EGF: variants seen among roughly 807,000 people sequenced by gnomAD.
EGF encodes epidermal growth factor.
In EGF, 95 loss-of-function variants were observed where a neutral mutation model predicts 143.8. That is an observed-to-expected ratio of 0.66 (90% CI 0.56 to 0.78). EGF has a LOEUF of 0.78. EGF is among the 30% of genes least tolerant of loss of function. EGF has a pLI of 0.00. For synonymous variants in EGF, 510 were observed against 510.5 expected, an observed-to-expected ratio of 1.00 and a Z score of 0.01; for missense variants, 1,320 against 1,470.9, an observed-to-expected ratio of 0.90 and a Z score of 1.68.
chr4:109,961,179 C>G (rs1745628447), intron 7 of EGF, among the ~76,000 whole-genome samples, 190 bp downstream of exon 7: 1 of 150,492 alleles, frequency 6.6e-6, no homozygotes, highest in East Asian at 1.9e-4. Flanking sequence ...GACCCTATCT[C>G]TACTAAAAAT....
chr4:109,948,435 G>C (rs1048510286), intron 5 of EGF, among the ~76,000 whole-genome samples: 1 of 152,126 alleles, frequency 6.6e-6, no homozygotes, highest in Non-Finnish European at 1.5e-5. Flanking sequence ...TCCACCTAGG[G>C]AGATGGTATA....
chr4:109,960,002 G>A (rs569061881), intron 6 of EGF, among the ~76,000 whole-genome samples: 1 of 152,284 alleles, frequency 6.6e-6, no homozygotes, highest in African/African-American at 2.4e-5. Flanking sequence ...TCCAATGGCT[G>A]CAGCACACAT....
chr4:109,966,518 C>CT, intron 10 of EGF, among the ~76,000 whole-genome samples: 1 of 152,112 alleles, frequency 6.6e-6, no homozygotes, highest in East Asian at 1.9e-4. Flanking sequence ...GTGCAGGTGT[C>CT]TTTTTGATAT....
In EGF at chr4:109,979,847, C is replaced by G. The variant is rs1749066486; in HGVS notation, c.2054-125C>G. 38 of 1,167,504 alleles carry G rather than the reference C, an allele frequency of 3.3e-5. 1 individual carries two copies. In the South Asian group the frequency reaches 5.2e-4, roughly 16 times the overall value. The allele number at this position is 1,167,504 out of a possible 1,614,324, so 72.3% of individuals were successfully genotyped here. Reference sequence around the variant, plus strand: ...GTGTGAGTCGGTGGCTCACTCATAACTTGCTGAGTAGCTAAAGAGCTGATT... The same window carrying G: ...GTGTGAGTCGGTGGCTCACTCATAAGTTGCTGAGTAGCTAAAGAGCTGATT... On this transcript the variant is annotated intron_variant, in intron 13 of 23. Transcript: ENST00000265171.
intron 1 of EGF, among the ~76,000 whole-genome samples, chr4:109,927,430 A>G (rs1199336454): frequency 6.6e-6 from 1 of 152,162 alleles, no homozygotes; most frequent in Non-Finnish European, 1.5e-5. Context: ...GATGTCCACC[A>G]AAGACATGTC....
At chr4:109,997,120 T>G (rs1283213234) in intron 20 of EGF, among the ~76,000 whole-genome samples, 10 of 151,612 alleles carry the variant, frequency 6.6e-5, no homozygotes, top group Non-Finnish European at 2.9e-5. Context: ...GAGCCAGGAG[T>G]GCTGATGGGT....
intron 1 of EGF, among the ~76,000 whole-genome samples, chr4:109,938,551 T>C (rs886302507): frequency 2.0e-5 from 3 of 152,222 alleles, no homozygotes; most frequent in Non-Finnish European, 4.4e-5. Flanking sequence ...CCAGTTTTGT[T>C]CCCTTGCTGG....
At chr4:109,981,804 A>G (rs1749408484) in intron 15 of EGF, among the ~76,000 whole-genome samples, 1 of 152,230 alleles carries the variant, frequency 6.6e-6, no homozygotes, top group South Asian at 2.1e-4. Context: ...TTTAGTATGC[A>G]CTGAAAGAAT....
At chr4:109,998,633 C>T (rs1752142801) in intron 20 of EGF, among the ~76,000 whole-genome samples, 1 of 152,222 alleles carries the variant, frequency 6.6e-6, no homozygotes, top group Non-Finnish European at 1.5e-5. Flanking sequence ...AGTGAGTTGC[C>T]CAGTCCCTCT....
chr4:110,001,974 A>G (rs1752628572), intron 21 of EGF: 11 of 985,442 alleles, frequency 1.1e-5, no homozygotes, highest in Admixed American at 6.1e-5. Context: ...CGTTTGCACT[A>G]TAGATCAATT....
At chr4:109,933,003 A>G (rs1183415712) in intron 1 of EGF, among the ~76,000 whole-genome samples, 5 of 152,236 alleles carry the variant, frequency 3.3e-5, no homozygotes, top group Non-Finnish European at 5.9e-5. Flanking sequence ...TGCACAACCT[A>G]TGTAGTGAAA....
chr4:109,995,021 C>A, intron 20 of EGF, 141 bp downstream of exon 20: 1 of 934,716 alleles, frequency 1.1e-6, no homozygotes, highest in Non-Finnish European at 1.7e-6. Flanking sequence ...ACATATGAAC[C>A]ACGTGTGTGC....
At chr4:109,994,489 TC>T (rs1283320769) in intron 19 of EGF, among the ~76,000 whole-genome samples, 1 of 152,216 alleles carries the variant, frequency 6.6e-6, no homozygotes, top group African/African-American at 2.4e-5. Context: ...GACTGGGTGT[TC>T]TTTTACCTGC....
intron 21 of EGF, chr4:110,001,759 C>A: frequency 1.0e-6 from 1 of 985,364 alleles, no homozygotes; most frequent in African/African-American, 1.7e-5. Flanking sequence ...TATCTTCAAC[C>A]TCAGACTCTC....
Position 109,941,023 on chromosome 4 carries a change from T to C in EGF, c.205T>C (p.Leu69=). The change falls in exon 2 of 24, where the codon TTG becomes CTG. Residue 69 remains leucine, a synonymous_variant. Coordinates refer to ENST00000265171, the MANE Select transcript of EGF (RefSeq NM_001963.6). ...CACAGAAGGAACCAATTATGAGCAA[T>C]TGGTGGTGGATGCTGGTGTCTCAGT... ...IDTEGTNYEQ[L]VVDAGVSVIM... 1 of 1,614,006 alleles carries C rather than the reference T, an allele frequency of 6.2e-7. No homozygotes were observed. The highest frequency in any genetic ancestry group is 8.5e-7 in the Non-Finnish European group (1 of 1,179,946).
intron 1 of EGF, among the ~76,000 whole-genome samples, chr4:109,919,772 G>C (rs1737452981): frequency 6.6e-6 from 1 of 151,516 alleles, no homozygotes; most frequent in Non-Finnish European, 1.5e-5. Flanking sequence ...GAATCTCTCA[G>C]AAAGGTCTAG....
At chr4:110,002,442 G>A (rs1249914147) in intron 21 of EGF, among the ~76,000 whole-genome samples, 3 of 152,138 alleles carry the variant, frequency 2.0e-5, no homozygotes, top group South Asian at 2.1e-4. Context: ...ACAGTAAGCC[G>A]TGATTGCACC....
intron 21 of EGF, among the ~76,000 whole-genome samples, chr4:110,003,170 G>A (rs190915580): frequency 2.1e-4 from 32 of 152,234 alleles, no homozygotes; most frequent in Non-Finnish European, 4.3e-4. Context: ...ATTCCTCTGG[G>A]TATATACCCA....
intron 12 of EGF, among the ~76,000 whole-genome samples, chr4:109,975,294 ATTTC>A (rs1442892670): frequency 3.9e-5 from 6 of 152,220 alleles, no homozygotes; most frequent in Non-Finnish European, 7.3e-5. Context: ...ACAATAAAGA[ATTTC>A]TTCCTAGTTG....
Sources: allele counts gnomAD v4.1 joint callset (sites outside exome capture counted in the v4.1 genomes callset), GRCh38; gene constraint gnomAD v4.1.1; transcripts MANE v1.5; gene names NCBI Gene and HGNC (gene_info 2026-07-23, HGNC 2026-07-21).